The following STIL variants were observed in gnomAD, a reference collection of about 807,000 sequenced individuals.
STIL encodes SCL-interrupting locus protein.
STIL carries 55 observed loss-of-function variants against 110.1 expected under a neutral mutation model. The observed-to-expected ratio is 0.50, with a 90% CI of 0.40 to 0.63. The LOEUF (loss-of-function observed/expected upper bound fraction) is 0.63. Among genes scored for constraint, STIL ranks in the 20% least tolerant of loss-of-function variants. The pLI is 0.00. For missense variants in STIL, 1,358 were observed against 1,530.0 expected (o/e 0.89, Z 1.87); for synonymous variants, 481 against 530.0 (o/e 0.91, Z 1.27).
rs747326779 is a variant in STIL, at chr1:47,251,337, GT to G, written c.3665del (p.Asn1222ThrfsTer8). On this transcript the variant is annotated frameshift_variant, in exon 17 of 17. Coordinates refer to ENST00000371877, the MANE Select transcript of STIL (RefSeq NM_001048166.1). LOFTEE classifies it high-confidence loss of function. Reference sequence around the variant, plus strand: ...GGTTCACTGCAGGACTTGGTTTAAGGTTCTTTACTAAGAAAGCTGGCTTTTC... The same window carrying G: ...GGTTCACTGCAGGACTTGGTTTAAGGTCTTTACTAAGAAAGCTGGCTTTTC... ...LTEKPAFLVK[N>X]LKPSPAVNLR... is the part of the protein sequence containing the mutation. 8.1e-6 allele frequency: 13 copies of G among 1,614,162 alleles called. No individual in the cohort carries two copies. The highest frequency in any genetic ancestry group is 1.1e-5 in the Non-Finnish European group (13 of 1,180,040).
At chr1:47,279,417 G>C (rs935167889) in intron 12 of STIL, among the ~76,000 whole-genome samples, 9 of 152,078 alleles carry the variant, frequency 5.9e-5, no homozygotes, top group South Asian at 2.1e-4. Context: ...GAGGAACACT[G>C]TTTTGGGGTA....
intron 8 of STIL, among the ~76,000 whole-genome samples, chr1:47,291,147 G>T (rs1180634192): frequency 6.6e-6 from 1 of 152,170 alleles, no homozygotes; most frequent in East Asian, 1.9e-4. Flanking sequence ...ATCACCTGAG[G>T]TCAGGAGTTC....
Position 47,262,904 on chromosome 1 carries a change from A to C in STIL, c.2828T>G (p.Leu943Trp). The C allele has an allele frequency of 6.2e-7, 1 of 1,613,986 alleles. No individual in the cohort carries two copies. The highest frequency in any genetic ancestry group is 8.5e-7 in the Non-Finnish European group (1 of 1,179,838). ...SDNQKIYQDL[L>W]GQVNHLLNSS... ...ATGAAATGCTCTACATTTTCTTACCAATAAATCCTGGTAAATTTTCTGGTT... is the reference window on the plus strand; with the variant it reads ...ATGAAATGCTCTACATTTTCTTACCCATAAATCCTGGTAAATTTTCTGGTT... Residue 943 changes from leucine (L) to tryptophan (W), a missense_variant and splice_region_variant, in exon 15 of 17, where the codon TTG (leucine) becomes TGG (tryptophan). Transcript: ENST00000371877.
intron 16 of STIL, among the ~76,000 whole-genome samples, chr1:47,253,821 A>G (rs1016404633): frequency 2.0e-5 from 3 of 152,146 alleles, no homozygotes; most frequent in Non-Finnish European, 4.4e-5. Flanking sequence ...TCAAACAACC[A>G]TTATATATTT....
intron 6 of STIL, 37 bp from the exon 7 acceptor site, chr1:47,295,885 T>A (rs769312429): frequency 6.8e-7 from 1 of 1,468,260 alleles, no homozygotes; most frequent in Non-Finnish European, 9.5e-7. Flanking sequence ...TAACTGAAAT[T>A]ATGTACTTTT....
chr1:47,264,136 A>C (rs975979013), intron 14 of STIL, among the ~76,000 whole-genome samples: 24 of 152,224 alleles, frequency 1.6e-4, no homozygotes, highest in Admixed American at 7.2e-4. Flanking sequence ...AAATCATTAA[A>C]GATTACAAGG....
intron 2 of STIL, among the ~76,000 whole-genome samples, chr1:47,305,671 C>T (rs1645936730): frequency 6.6e-6 from 1 of 150,546 alleles, no homozygotes; most frequent in Non-Finnish European, 1.5e-5. Flanking sequence ...CATGATCAGC[C>T]TGCCTCAGCC....
intron 2 of STIL, among the ~76,000 whole-genome samples, chr1:47,308,010 C>A (rs1051067086): frequency 2.6e-5 from 4 of 152,172 alleles, no homozygotes; most frequent in African/African-American, 9.7e-5. Context: ...AACCCTGTCT[C>A]CTGATAAGAT....
chr1:47,293,432 G>A (rs749688130), intron 8 of STIL, 26 bp downstream of exon 8: 1 of 1,575,114 alleles, frequency 6.3e-7, no homozygotes, highest in Non-Finnish European at 8.7e-7. Flanking sequence ...TCGAAATAAA[G>A]TACTACAGAA....
Position 47,251,394 on chromosome 1 carries a change from A to G in STIL, c.3609T>C (p.Val1203=). 1 of 1,614,182 alleles carries G rather than the reference A, an allele frequency of 6.2e-7. No individual in the cohort carries two copies. The change falls in exon 17 of 17, where the codon GTT becomes GTC. Residue 1203 remains valine, a synonymous_variant. Transcript: ENST00000371877. ...ACTGCTGTTTTGCTTTTGTCTGCAAAACTTCATTTGTAATATTTCTCAATA... is the reference window on the plus strand; with the variant it reads ...ACTGCTGTTTTGCTTTTGTCTGCAAGACTTCATTTGTAATATTTCTCAATA... ...TPVLRNITNE[V]LQTKAKQQLT...
At chr1:47,265,783 C>CAAAAAAA (rs1179019596) in intron 14 of STIL, among the ~76,000 whole-genome samples, 57 of 65,562 alleles carry the variant, frequency 8.7e-4, no homozygotes, top group African/African-American at 1.3e-3. Flanking sequence ...AAGACTGTCT[C>CAAAAAAA]AAAAAAAAAA....
At chr1:47,306,626 AC>A (rs1211256446) in intron 2 of STIL, among the ~76,000 whole-genome samples, 3 of 152,232 alleles carry the variant, frequency 2.0e-5, no homozygotes, top group African/African-American at 7.2e-5. Flanking sequence ...AAGCAAAAAA[AC>A]TTAATAAATT....
intron 14 of STIL, among the ~76,000 whole-genome samples, chr1:47,265,001 C>A (rs189987230): frequency 6.7e-6 from 1 of 148,720 alleles, no homozygotes; most frequent in Non-Finnish European, 1.5e-5. Context: ...TTTGGGAGGC[C>A]GAGACAAGCA....
intron 10 of STIL, chr1:47,282,813 G>GTTA (rs961361596): frequency 2.1e-5 from 5 of 241,374 alleles, no homozygotes; most frequent in Non-Finnish European, 4.1e-5. Context: ...AGTATTAAAG[G>GTTA]TTATTAAACA....
chr1:47,258,992 C>CTTTTTTTTTTTT (rs549227243), intron 16 of STIL, among the ~76,000 whole-genome samples: 52,095 of 91,452 alleles, frequency 0.57, 19,569 homozygotes, highest in Non-Finnish European at 0.71. Context: ...AGTAACTTTG[C>CTTTTTTTTTTTT]TTTTTTTTTT....
At chr1:47,266,537 A>AT (rs1468680125) in intron 14 of STIL, among the ~76,000 whole-genome samples, 1 of 152,062 alleles carries the variant, frequency 6.6e-6, no homozygotes, top group Admixed American at 6.6e-5. Flanking sequence ...AAGTTAAAAT[A>AT]TTTTTTTATA....
chr1:47,264,580 A>G (rs748736149), intron 14 of STIL, among the ~76,000 whole-genome samples: 2 of 152,214 alleles, frequency 1.3e-5, no homozygotes, highest in Non-Finnish European at 2.9e-5. Flanking sequence ...ATGAAGCTGC[A>G]AGGCAAATAA....
At chr1:47,299,032 A>AT (rs1645723722) in intron 6 of STIL, among the ~76,000 whole-genome samples, 1 of 102,650 alleles carries the variant, frequency 9.7e-6, no homozygotes, top group East Asian at 2.8e-4. Flanking sequence ...TTTTACCACC[A>AT]CTTTTTTTTT....
chr1:47,281,532 A>G (rs1645158792), intron 11 of STIL, among the ~76,000 whole-genome samples: 1 of 152,196 alleles, frequency 6.6e-6, no homozygotes, highest in African/African-American at 2.4e-5. Flanking sequence ...ACTGTTTTAT[A>G]TAACTTTTTA....
Sources: gnomAD v4.1 joint callset for allele counts (sites outside exome capture counted in the v4.1 genomes callset) on GRCh38, gnomAD v4.1.1 for gene constraint, MANE v1.5 for transcripts, NCBI Gene and HGNC (gene_info 2026-07-23, HGNC 2026-07-21) for gene names.